CSMD1: variants seen among roughly 807,000 people sequenced by gnomAD.
CSMD1 encodes CUB and Sushi multiple domains 1.
Under a neutral mutation model 417.5 loss-of-function variants are expected in CSMD1, and 213 were observed. The ratio of observed to expected loss-of-function variants is 0.51; its 90% confidence interval spans 0.46 to 0.57. The LOEUF (loss-of-function observed/expected upper bound fraction) is 0.57. CSMD1 is among the 20% of genes least tolerant of loss of function. CSMD1 has a pLI of 0.00. For synonymous variants in CSMD1, 2,862 were observed against 1,736.8 expected (o/e 1.65, Z -16.11); for missense variants, 6,923 against 4,529.7 (o/e 1.53, Z -15.17).
At chr8:4,968,447 C>A (rs899182161) in intron 1 of CSMD1, among the ~76,000 whole-genome samples, 2 of 151,978 alleles carry the variant, frequency 1.3e-5, no homozygotes, top group African/African-American at 4.8e-5. Context: ...TGAAATAGAG[C>A]CATTTAACTG....
intron 10 of CSMD1, among the ~76,000 whole-genome samples, chr8:3,534,036 A>C (rs973701483): frequency 6.6e-6 from 1 of 152,188 alleles, no homozygotes; most frequent in Non-Finnish European, 1.5e-5. Context: ...CTATGAATAA[A>C]AGTCATTGCT....
intron 3 of CSMD1, among the ~76,000 whole-genome samples, chr8:4,220,390 C>T (rs1479512957): frequency 3.3e-5 from 5 of 152,156 alleles, no homozygotes; most frequent in African/African-American, 1.2e-4. Flanking sequence ...ACAGAGGCCT[C>T]TAGACAACGG....
At chr8:4,076,237 G>A (rs977510684) in intron 3 of CSMD1, among the ~76,000 whole-genome samples, 4 of 152,096 alleles carry the variant, frequency 2.6e-5, no homozygotes, top group African/African-American at 7.2e-5. Context: ...CCCGTTTCTT[G>A]GCACTTCTCT....
chr8:4,951,800 T>C (rs564087637), intron 1 of CSMD1, among the ~76,000 whole-genome samples: 2 of 151,994 alleles, frequency 1.3e-5, no homozygotes, highest in African/African-American at 4.8e-5. Context: ...AAGATATTTC[T>C]GAGCCTTCTC....
chr8:3,792,784 A>G (rs1350430801), intron 5 of CSMD1, among the ~76,000 whole-genome samples: 3 of 152,204 alleles, frequency 2.0e-5, no homozygotes, highest in Admixed American at 6.5e-5. Context: ...TCTCTCTCAC[A>G]ATTTAAGGCA....
intron 8 of CSMD1, among the ~76,000 whole-genome samples, chr8:3,604,526 G>T (rs1038573896): frequency 6.6e-6 from 1 of 152,078 alleles, no homozygotes; most frequent in African/African-American, 2.4e-5. Context: ...TACCACATAG[G>T]ATACCAACCG....
intron 1 of CSMD1, among the ~76,000 whole-genome samples, chr8:4,784,657 G>A (rs1454758765): frequency 1.3e-5 from 2 of 152,174 alleles, no homozygotes; most frequent in East Asian, 3.9e-4. Flanking sequence ...ATTAAAAGAA[G>A]GGCAAATATT....
At chr8:4,801,614 T>A (rs1279722764) in intron 1 of CSMD1, among the ~76,000 whole-genome samples, 1 of 152,178 alleles carries the variant, frequency 6.6e-6, no homozygotes, top group African/African-American at 2.4e-5. Flanking sequence ...TATGCCGCTT[T>A]GACACACTCT....
chr8:3,995,724 G>A (rs1011400946), intron 5 of CSMD1, among the ~76,000 whole-genome samples: 2 of 152,148 alleles, frequency 1.3e-5, no homozygotes, highest in African/African-American at 2.4e-5. Context: ...CAGGGCTTTT[G>A]CGCCAAGCAA....
At chr8:4,942,177 C>G (rs1411757877) in intron 1 of CSMD1, among the ~76,000 whole-genome samples, 1 of 152,098 alleles carries the variant, frequency 6.6e-6, no homozygotes, top group Non-Finnish European at 1.5e-5. Context: ...TTATTTTCAT[C>G]CACTTTTGCT....
intron 1 of CSMD1, among the ~76,000 whole-genome samples, chr8:4,725,272 A>G (rs1470493805): frequency 6.6e-6 from 1 of 152,212 alleles, no homozygotes; most frequent in Non-Finnish European, 1.5e-5. Flanking sequence ...TGGTACATGA[A>G]TGACCAAGAT....
At chr8:3,896,139 AT>A (rs1807345866) in intron 5 of CSMD1, among the ~76,000 whole-genome samples, 1 of 152,182 alleles carries the variant, frequency 6.6e-6, no homozygotes, top group African/African-American at 2.4e-5. Context: ...AACAAGCCCA[AT>A]TTGATTCAGT....
At chr8:4,986,301 G>A (rs998253071) in intron 1 of CSMD1, among the ~76,000 whole-genome samples, 3 of 152,186 alleles carry the variant, frequency 2.0e-5, no homozygotes, top group Admixed American at 6.5e-5. Flanking sequence ...AAAAGGGAAT[G>A]ATGAGAGTCC....
intron 5 of CSMD1, among the ~76,000 whole-genome samples, chr8:3,962,203 T>A (rs912207759): frequency 9.2e-5 from 14 of 152,256 alleles, no homozygotes; most frequent in African/African-American, 3.4e-4. Context: ...CATTCCAGAA[T>A]GGGATTGTTT....
chr8:2,955,862 G>T, intron 63 of CSMD1, 94 bp from the exon 64 acceptor site: 1 of 1,075,894 alleles, frequency 9.3e-7, no homozygotes, highest in Non-Finnish European at 1.4e-6. Context: ...TTTGGAAATG[G>T]TTATGCAGTC....
chr8:4,181,662 C>T (rs1249250673), intron 3 of CSMD1, among the ~76,000 whole-genome samples: 1 of 152,072 alleles, frequency 6.6e-6, no homozygotes. Flanking sequence ...TATAGATGAT[C>T]AGAATAATAT....
chr8:4,928,921 T>C (rs1807054682), intron 1 of CSMD1, among the ~76,000 whole-genome samples: 1 of 151,758 alleles, frequency 6.6e-6, no homozygotes, highest in African/African-American at 2.4e-5. Context: ...ATATAAAAAA[T>C]TTAGCCAGGC....
At chr8:4,036,585 T>G (rs1797629595) in intron 3 of CSMD1, among the ~76,000 whole-genome samples, 1 of 152,176 alleles carries the variant, frequency 6.6e-6, no homozygotes, top group African/African-American at 2.4e-5. Flanking sequence ...GGAAAGGTAT[T>G]TTTAATAGGG....
chr8:4,513,168 C>G (rs953271145), intron 2 of CSMD1, among the ~76,000 whole-genome samples: 1 of 152,090 alleles, frequency 6.6e-6, no homozygotes, highest in Non-Finnish European at 1.5e-5. Flanking sequence ...CGAAATATGT[C>G]AAAGTAGGTT....
Sources: allele counts gnomAD v4.1 joint callset (sites outside exome capture counted in the v4.1 genomes callset), GRCh38; gene constraint gnomAD v4.1.1; transcripts MANE v1.5; gene names NCBI Gene and HGNC (gene_info 2026-07-23, HGNC 2026-07-21).